MYH11: variants seen among roughly 807,000 people sequenced by gnomAD.
The protein encoded by MYH11 is myosin-11.
A neutral mutation model predicts 246.6 loss-of-function variants in MYH11; 80 were observed. That is an observed-to-expected ratio of 0.32 (90% CI 0.27 to 0.39). MYH11 has a LOEUF of 0.39. MYH11 is among the 10% of genes least tolerant of loss of function. The pLI is 1.00. For synonymous variants in MYH11, 1,071 were observed against 1,015.5 expected (o/e 1.05, Z -1.04); for missense variants, 2,158 against 2,546.8 (o/e 0.85, Z 3.29).
intron 40 of MYH11, among the ~76,000 whole-genome samples, chr16:15,705,089 T>C (rs1392921544): frequency 6.6e-6 from 1 of 152,194 alleles, no homozygotes; most frequent in African/African-American, 2.4e-5. Flanking sequence ...CAGCAGTCCT[T>C]GAGCCTCAGT....
Position 15,720,184 on chromosome 16 carries a change from C to T in MYH11, c.4920G>A (p.Arg1640=), listed in dbSNP as rs199638486. The T allele has an allele frequency of 9.2e-5, 148 of 1,614,000 alleles. 2 individuals carry two copies. Among genetic ancestry groups the T allele is most frequent in the Non-Finnish European group, 1.1e-4 (128 of 1,180,036 alleles). Residue 1640 remains arginine (R), a synonymous_variant, in exon 34 of 41, where the codon AGG becomes AGA. Coordinates refer to ENST00000300036, the MANE Select transcript of MYH11 (RefSeq NM_002474.3). ...ELQADSAIKG[R]EEAIKQLRKL... is the part of the protein sequence containing the mutation. ...TGCGTAGCTGCTTGATGGCTTCCTC[C>T]CTCCCCTTGATGGCAGAGTCGGCCT...
rs181350147 is a variant in MYH11, at chr16:15,727,092, C to T, written c.3652-38G>A. On this transcript the variant is annotated intron_variant, in intron 27 of 40. Transcript: ENST00000300036. ...GCAGAGGGGAGGGATAACAGGGAGG[C>T]TGTGGCCGGGAGAACGTTTCAGGCC... 3.4e-3 allele frequency: 5,465 copies of T among 1,602,902 alleles called. 26 individuals carry two copies. Among genetic ancestry groups the T allele is most frequent in the Non-Finnish European group, 4.0e-3 (4,749 of 1,172,704 alleles).
chr16:15,718,478 C>T, intron 36 of MYH11, 40 bp from the exon 37 acceptor site: 1 of 1,537,836 alleles, frequency 6.5e-7, no homozygotes, highest in Non-Finnish European at 8.7e-7. Context: ...TCTACCCTCC[C>T]CCGCCTTAAA....
chr16:15,708,870 T>A, intron 40 of MYH11: 1 of 1,606,392 alleles, frequency 6.2e-7, no homozygotes, highest in Non-Finnish European at 8.5e-7. Context: ...CCCCGGAGGT[T>A]ACCATCAGCA....
rs540952750 is a variant in MYH11, at chr16:15,732,183, G to A, written c.3651+381C>T. On this transcript the variant is annotated intron_variant, in intron 27 of 40. Transcript: ENST00000300036. ...TCGCCATGTTGGCCAGGCTGGTCTCGAACTCCTGACCTCAGGTGATCCACC... is the reference window on the plus strand; with the variant it reads ...TCGCCATGTTGGCCAGGCTGGTCTCAAACTCCTGACCTCAGGTGATCCACC... Among the ~76,000 whole-genome samples, 25 of 151,900 alleles carry A rather than the reference G, an allele frequency of 1.6e-4. No homozygotes were observed. In the East Asian group the frequency reaches 2.9e-3, roughly 18 times the overall value.
At chr16:15,749,093 T>TAC (rs2041497098) in intron 16 of MYH11, 1 of 151,480 alleles carries the variant, frequency 6.6e-6, no homozygotes, top group Non-Finnish European at 1.5e-5. Context: ...ATCTGATTCC[T>TAC]ACCTCATGCC....
chr16:15,725,008 G>C lies in MYH11; in HGVS notation c.3859-16C>G. The C allele has an allele frequency of 6.2e-7, 1 of 1,610,844 alleles. No individual in the cohort carries two copies. The highest frequency in any genetic ancestry group is 8.5e-7 in the Non-Finnish European group (1 of 1,177,738). The stretch of plus-strand genomic sequence containing the variant: ...CAACTTCATTCTAAGGGTGCCAAGA[G>C]ACTGGTTAGTCAAAGCCTCTAGAAG... On this transcript the variant is annotated splice_polypyrimidine_tract_variant and intron_variant, in intron 28 of 40. Transcript: ENST00000300036.
intron 1 of MYH11, among the ~76,000 whole-genome samples, chr16:15,845,569 TACG>T (rs1219961994): frequency 1.3e-5 from 2 of 152,238 alleles, no homozygotes; most frequent in Non-Finnish European, 2.9e-5. Flanking sequence ...AGTGGCTTGA[TACG>T]ACGCGTCTTC....
chr16:15,788,367 A>G (rs1429639590), intron 4 of MYH11, among the ~76,000 whole-genome samples: 1 of 151,780 alleles, frequency 6.6e-6, no homozygotes, highest in South Asian at 2.1e-4. Flanking sequence ...AAGTTGAAAA[A>G]AGAATTTGTT....
chr16:15,780,893 C>T (rs1162434877), intron 6 of MYH11, among the ~76,000 whole-genome samples: 2 of 152,166 alleles, frequency 1.3e-5, no homozygotes, highest in African/African-American at 2.4e-5. Context: ...TTTGGTTCAG[C>T]GCTTCACTGA....
rs182425643 is a variant in MYH11 at position 15,837,231 on chromosome 16, G to A, written c.345+677C>T. ...TGTCTCCTACCCACCTGGCTGCCAA[G>A]ACAAACCAGCCTTTCCAAAGTGGTT... On this transcript the variant is annotated intron_variant, in intron 2 of 40. Transcript: ENST00000300036. 4.6e-3 allele frequency among the ~76,000 whole-genome samples: 705 copies of A among 152,170 alleles called. 2 individuals carry two copies. Among genetic ancestry groups the A allele is most frequent in the Non-Finnish European group, 7.9e-3 (534 of 68,008 alleles).
chr16:15,758,740 C>T lies in MYH11; in HGVS notation c.1402-740G>A, dbSNP rs553743004. Among the ~76,000 whole-genome samples the T allele has an allele frequency of 7.1e-3, 1,067 of 150,882 alleles. 4 individuals are homozygous for T. The highest frequency in any genetic ancestry group is 0.02 in the Middle Eastern group (6 of 294). On this transcript the variant is annotated intron_variant, in intron 12 of 40. Transcript: ENST00000300036. Reference sequence around the variant, plus strand: ...ACTTGAACCTGGGAGGCGGAGGTTGCGGTGAGCCAAGATTGCACTACTGCA... The same window carrying T: ...ACTTGAACCTGGGAGGCGGAGGTTGTGGTGAGCCAAGATTGCACTACTGCA...
intron 4 of MYH11, among the ~76,000 whole-genome samples, chr16:15,795,035 G>T (rs1343371517): frequency 6.6e-6 from 1 of 152,216 alleles, no homozygotes; most frequent in African/African-American, 2.4e-5. Flanking sequence ...TGGGCGAAGT[G>T]GCTCATGCCT....
rs181911041 is a variant in MYH11, at chr16:15,841,200, G to A, written c.-17-2931C>T. On this transcript the variant is annotated intron_variant, in intron 1 of 40. Transcript: ENST00000300036. Reference sequence around the variant, plus strand: ...GTTGTCTATGCTGGAGGGCAGTGGTGCAATCTTGGCTCACTGCAACCTCTG... The same window carrying A: ...GTTGTCTATGCTGGAGGGCAGTGGTACAATCTTGGCTCACTGCAACCTCTG... Among the ~76,000 whole-genome samples the A allele has an allele frequency of 1.5e-3, 224 of 152,290 alleles. 1 individual carries two copies. Among genetic ancestry groups the A allele is most frequent in the African/African-American group, 5.2e-3 (218 of 41,568 alleles).
At chr16:15,856,019 G>A (rs2044458055) in intron 1 of MYH11, among the ~76,000 whole-genome samples, 1 of 152,166 alleles carries the variant, frequency 6.6e-6, no homozygotes, top group African/African-American at 2.4e-5. Flanking sequence ...TGTGCTGGAA[G>A]AAAACTTACA....
In MYH11 at chr16:15,771,595, A is replaced by G. The variant is rs1187583967; in HGVS notation, c.1007T>C (p.Met336Thr). 1 of 1,614,090 alleles carries G rather than the reference A, an allele frequency of 6.2e-7. No homozygotes were observed. Among genetic ancestry groups the G allele is most frequent in the Admixed American group, 1.7e-5 (1 of 60,004 alleles). Reference sequence around the variant, plus strand: ...TAGCTGCTCCTCCTCGCTGAAACCCATGATTGCCATGGCCTCCACGGTTTC... The same window carrying G: ...TAGCTGCTCCTCCTCGCTGAAACCCGTGATTGCCATGGCCTCCACGGTTTC... ...FQETVEAMAI[M>T]GFSEEEQLSI... The change falls in exon 9 of 41, where the codon ATG becomes ACG. Residue 336 changes from methionine to threonine, a missense_variant. Around this residue, in one of 11 missense-constraint regions of MYH11, gnomAD observed 75 missense variants for 70.0 expected, o/e 1.07. Transcript: ENST00000300036.
At chr16:15,718,062 C>T (rs2040261042) in intron 37 of MYH11, 12 of 580,896 alleles carry the variant, frequency 2.1e-5, no homozygotes, top group South Asian at 1.0e-4. Flanking sequence ...CAGGGATGGC[C>T]GTGAGGTACG....
At chr16:15,757,130 T>C (rs1179608807) in intron 13 of MYH11, among the ~76,000 whole-genome samples, 1 of 151,904 alleles carries the variant, frequency 6.6e-6, no homozygotes, top group African/African-American at 2.4e-5. Context: ...AATTTGTTGC[T>C]TGACTTGAAT....
intron 26 of MYH11, among the ~76,000 whole-genome samples, chr16:15,735,041 T>G (rs1883924809): frequency 6.6e-6 from 1 of 151,584 alleles, no homozygotes; most frequent in South Asian, 2.1e-4. Context: ...TAGCCGGGTG[T>G]GGTGGCACAT....
Sources: gnomAD v4.1 joint callset for allele counts (sites outside exome capture counted in the v4.1 genomes callset) on GRCh38, gnomAD v4.1.1 for gene constraint, gnomAD v4.1.1 regional missense constraint, MANE v1.5 for transcripts, NCBI Gene and HGNC (gene_info 2026-07-23, HGNC 2026-07-21) for gene names.